METTL16: variants seen among roughly 807,000 people sequenced by gnomAD.
METTL16 encodes methyltransferase 16, RNA N6-adenosine.
Under a neutral mutation model 57.9 loss-of-function variants are expected in METTL16, and 19 were observed. The observed-to-expected ratio is 0.33, with a 90% CI of 0.23 to 0.48. METTL16 has a LOEUF of 0.48. METTL16 is among the 20% of genes least tolerant of loss of function. METTL16 has a pLI of 0.99. For missense variants in METTL16, 434 were observed against 691.5 expected, an observed-to-expected ratio of 0.63 and a Z score of 4.18; for synonymous variants, 246 against 255.6, an observed-to-expected ratio of 0.96 and a Z score of 0.36.
intron 6 of METTL16, among the ~76,000 whole-genome samples, chr17:2,448,761 AAAAAT>A: frequency 7.5e-6 from 1 of 132,570 alleles, no homozygotes. Flanking sequence ...ATAAAATAAA[AAAAAT>A]AAAAAATAAA....
At position 2,417,685 on chromosome 17, in the gene METTL16, ACC is replaced by A. The variant is rs1368562894; in HGVS notation, c.*2283_*2284del. On this transcript the variant is annotated 3_prime_UTR_variant, in exon 10 of 10. Transcript: ENST00000263092. ...GCAGCATGAGGACAACCAAAGTTAAACCCACACACTCACACACCCCGTCTACA... is the reference window on the plus strand; with the variant it reads ...GCAGCATGAGGACAACCAAAGTTAAACACACACTCACACACCCCGTCTACA... 6.6e-6 allele frequency: 1 copy of A among 152,184 alleles called. No individual in the cohort carries two copies. Among genetic ancestry groups the A allele is most frequent in the East Asian group, 1.9e-4 (1 of 5,202 alleles). 9.4% of individuals were successfully genotyped at this position (152,184 alleles called of 1,614,324 possible).
At chr17:2,510,819 C>T (rs75809641) in intron 1 of METTL16, among the ~76,000 whole-genome samples, 5,233 of 152,110 alleles carry the variant, frequency 0.034, 185 homozygotes, top group African/African-American at 0.093. Context: ...CAGAGCACTG[C>T]ACCTGGTTAA....
intron 8 of METTL16, among the ~76,000 whole-genome samples, chr17:2,434,570 T>A (rs2066896509): frequency 6.6e-6 from 1 of 152,204 alleles, no homozygotes; most frequent in African/African-American, 2.4e-5. Flanking sequence ...ATAATAATGA[T>A]AAAAGCAGAT....
At chr17:2,438,322 A>C in intron 7 of METTL16, 124 bp from the exon 8 acceptor site, 3 of 696,806 alleles carry the variant, frequency 4.3e-6, no homozygotes, top group Non-Finnish European at 7.9e-6. Context: ...AATATTACCA[A>C]ACAACAGTTA....
rs1309029702 is a variant in METTL16, at chr17:2,505,394, CATTTTTTTTT to C, written c.1-3073_1-3064del. On this transcript the variant is annotated intron_variant, in intron 1 of 9. Coordinates refer to ENST00000263092, the MANE Select transcript of METTL16 (RefSeq NM_024086.4). Reference sequence around the variant, plus strand: ...TCCCCAACAATGTCAAGCCCAGAGGCATTTTTTTTTTTTTTTTTTTTTTTTTTTTTTTTTT... The same window carrying C: ...TCCCCAACAATGTCAAGCCCAGAGGCTTTTTTTTTTTTTTTTTTTTTTTTT... Among the ~76,000 whole-genome samples, 8 of 99,228 alleles carry C rather than the reference CATTTTTTTTT, an allele frequency of 8.1e-5. No individual in the cohort carries two copies. In the East Asian group the frequency reaches 1.5e-3, roughly 19 times the overall value. The allele number at this position is 99,228 out of a possible 152,430, so 65.1% of individuals were successfully genotyped here. A position where few individuals can be genotyped will look rare whatever the true frequency, so the allele number is the denominator to read the frequency against.
At chr17:2,469,369 A>G (rs12945274) in intron 4 of METTL16, among the ~76,000 whole-genome samples, 7 of 152,242 alleles carry the variant, frequency 4.6e-5, no homozygotes, top group Non-Finnish European at 8.8e-5. Flanking sequence ...TATGTTCAAT[A>G]CTATGAAGAA....
At chr17:2,421,337 G>C (rs555516784) in intron 8 of METTL16, among the ~76,000 whole-genome samples, 25 of 152,192 alleles carry the variant, frequency 1.6e-4, no homozygotes, top group African/African-American at 5.8e-4. Flanking sequence ...CCCAGGAAAC[G>C]GGGTGAGACC....
At chr17:2,424,325 G>C (rs1178524471) in intron 8 of METTL16, 2 of 151,068 alleles carry the variant, frequency 1.3e-5, no homozygotes, top group Admixed American at 6.6e-5. Context: ...GTTTTAGCCG[G>C]GATGGTCTCG....
intron 6 of METTL16, among the ~76,000 whole-genome samples, chr17:2,444,074 T>C (rs2066974500): frequency 6.6e-6 from 1 of 152,170 alleles, no homozygotes; most frequent in Non-Finnish European, 1.5e-5. Flanking sequence ...GTTAGTTTGA[T>C]TGAATCATTT....
intron 2 of METTL16, among the ~76,000 whole-genome samples, chr17:2,489,426 A>G (rs1302666636): frequency 6.6e-6 from 1 of 152,076 alleles, no homozygotes; most frequent in Non-Finnish European, 1.5e-5. Flanking sequence ...AGGCCGAGGC[A>G]GGCAGGTCAC....
intron 2 of METTL16, among the ~76,000 whole-genome samples, chr17:2,499,464 A>G (rs987337599): frequency 6.8e-6 from 1 of 146,880 alleles, no homozygotes; most frequent in Admixed American, 6.7e-5. Flanking sequence ...GTTGCACCCC[A>G]CTAAAATGGT....
intron 2 of METTL16, among the ~76,000 whole-genome samples, chr17:2,480,055 G>A (rs906569450): frequency 1.3e-5 from 2 of 151,710 alleles, no homozygotes; most frequent in East Asian, 1.9e-4. Context: ...GCATGGTGGC[G>A]CATGCCTGTA....
In METTL16 at chr17:2,420,015, G is replaced by A. The variant is rs772809703; in HGVS notation, c.1644C>T (p.Cys548=). The change falls in exon 10 of 10, where the codon TGC becomes TGT. Residue 548 remains cysteine (C), a synonymous_variant. Coordinates refer to ENST00000263092, the MANE Select transcript of METTL16 (RefSeq NM_024086.4). The surrounding 1 kb of genome is among the most constrained non-coding windows in gnomAD (Gnocchi z 5.4). The part of the protein sequence containing the change: ...GQNRDLMNQL[C]TYIRNQIFRL... The stretch of plus-strand genomic sequence containing the variant: ...TGAAAATTTGGTTACGTATGTAGGT[G>A]CAAAGCTGGTTCATCAGATCCCTGT... 1 of 1,614,180 alleles carries A rather than the reference G, an allele frequency of 6.2e-7. No homozygotes were observed. Among genetic ancestry groups the A allele is most frequent in the Non-Finnish European group, 8.5e-7 (1 of 1,180,038 alleles).
chr17:2,510,674 T>C (rs75424482), intron 1 of METTL16, among the ~76,000 whole-genome samples: 4 of 152,096 alleles, frequency 2.6e-5, no homozygotes, highest in Non-Finnish European at 5.9e-5. Flanking sequence ...CTTTTTTTTT[T>C]CTTCTTGTTG....
chr17:2,460,293 C>A (rs2151561394), intron 6 of METTL16: 1 of 152,140 alleles, frequency 6.6e-6, no homozygotes, highest in South Asian at 2.1e-4. Flanking sequence ...CACAAAATGG[C>A]CAGCTCTCCA....
intron 6 of METTL16, among the ~76,000 whole-genome samples, chr17:2,451,220 G>T (rs1389126364): frequency 1.3e-5 from 2 of 152,084 alleles, no homozygotes; most frequent in Non-Finnish European, 2.9e-5. Context: ...AGAAATAATT[G>T]TTATAGCTAA....
At chr17:2,429,882 C>T (rs1445360194) in intron 8 of METTL16, among the ~76,000 whole-genome samples, 1 of 151,962 alleles carries the variant, frequency 6.6e-6, no homozygotes, top group Non-Finnish European at 1.5e-5. Flanking sequence ...ACGATCTCAG[C>T]TCACAGCAAC....
intron 3 of METTL16, among the ~76,000 whole-genome samples, chr17:2,474,483 A>T (rs1597461141): frequency 6.6e-6 from 1 of 151,934 alleles, no homozygotes; most frequent in African/African-American, 2.4e-5. Context: ...ACGACATCAG[A>T]GTCACTGGCT....
chr17:2,450,861 T>A lies in METTL16; in HGVS notation c.729-9302A>T, dbSNP rs140421596. On this transcript the variant is annotated intron_variant, in intron 6 of 9. Transcript: ENST00000263092. Reference sequence around the variant, plus strand: ...CTACTACAAGATGAATTTTCAAGAATTTAATTTCAAGAATTTAAATTTCAA... The same window carrying A: ...CTACTACAAGATGAATTTTCAAGAAATTAATTTCAAGAATTTAAATTTCAA... 2.1e-3 allele frequency among the ~76,000 whole-genome samples: 326 copies of A among 152,298 alleles called. 6 individuals are homozygous for A. Among genetic ancestry groups the A allele is most frequent in the African/African-American group, 7.2e-3 (301 of 41,576 alleles).
Sources: gnomAD v4.1 joint callset for allele counts (sites outside exome capture counted in the v4.1 genomes callset) on GRCh38, gnomAD v4.1.1 for gene constraint, Gnocchi (gnomAD v3.1) non-coding constraint, MANE v1.5 for transcripts, NCBI Gene and HGNC (gene_info 2026-07-23, HGNC 2026-07-21) for gene names.